Variants in RPH3A observed in about 807,000 individuals in gnomAD.
The protein encoded by RPH3A is rabphilin 3A.
In RPH3A, 48 loss-of-function variants were observed where a neutral mutation model predicts 102.2. The ratio of observed to expected loss-of-function variants is 0.47; its 90% CI spans 0.37 to 0.60. The LOEUF (loss-of-function observed/expected upper bound fraction) is 0.60, where lower values mean the gene tolerates loss of function less well. RPH3A is among the 20% of genes least tolerant of loss of function. The probability of loss-of-function intolerance (pLI) is 0.00; values close to 1 mark genes in which losing one functional copy is unlikely to be tolerated. For synonymous variants in RPH3A, 310 were observed against 324.3 expected, an observed-to-expected ratio of 0.96 and a Z score of 0.47; for missense variants, 781 against 910.1, an observed-to-expected ratio of 0.86 and a Z score of 1.83.
intron 1 of RPH3A, among the ~76,000 whole-genome samples, chr12:112,710,320 T>C (rs1351756197): frequency 6.6e-6 from 1 of 152,136 alleles, no homozygotes; most frequent in Non-Finnish European, 1.5e-5. Context: ...AAGTCCCACA[T>C]CCCAGAACCC....
intron 1 of RPH3A, among the ~76,000 whole-genome samples, chr12:112,768,319 C>A (rs2040905383): frequency 6.6e-6 from 1 of 152,120 alleles, no homozygotes; most frequent in Admixed American, 6.5e-5. Context: ...TCCATGGCTT[C>A]CATCTTGGAG....
chr12:112,660,987 G>T (rs2040044792), intron 1 of RPH3A, among the ~76,000 whole-genome samples: 1 of 152,166 alleles, frequency 6.6e-6, no homozygotes, highest in African/African-American at 2.4e-5. Context: ...AACAGGGAAA[G>T]GAGTCTGCCT....
At chr12:112,723,736 G>A (rs375283439) in intron 1 of RPH3A, among the ~76,000 whole-genome samples, 20 of 152,304 alleles carry the variant, frequency 1.3e-4, no homozygotes, top group East Asian at 7.7e-4. Flanking sequence ...GTCACATGGC[G>A]TTTTAGGTGG....
chr12:112,584,215 G>A (rs1051450559), intron 1 of RPH3A, among the ~76,000 whole-genome samples: 1 of 150,888 alleles, frequency 6.6e-6, no homozygotes, highest in African/African-American at 2.5e-5. Flanking sequence ...GTATTTTGGG[G>A]TCTCTTTGGG....
chr12:112,610,025 C>T (rs1172674436), intron 1 of RPH3A, among the ~76,000 whole-genome samples: 1 of 152,158 alleles, frequency 6.6e-6, no homozygotes, highest in African/African-American at 2.4e-5. Context: ...ACGGAGTGAT[C>T]TGACCGTGCC....
intron 11 of RPH3A, among the ~76,000 whole-genome samples, chr12:112,875,464 A>G (rs779630835): frequency 6.6e-6 from 1 of 152,046 alleles, no homozygotes; most frequent in Non-Finnish European, 1.5e-5. Context: ...CAGAGGAGCA[A>G]GTCAAGGCTC....
chr12:112,886,630 G>C (rs1012880655), intron 16 of RPH3A, among the ~76,000 whole-genome samples: 5 of 152,146 alleles, frequency 3.3e-5, no homozygotes, highest in South Asian at 4.1e-4. Flanking sequence ...CTTGTCCTAA[G>C]GGACATTTCT....
At chr12:112,725,412 T>A (rs546689312) in intron 1 of RPH3A, among the ~76,000 whole-genome samples, 93 of 152,256 alleles carry the variant, frequency 6.1e-4, no homozygotes, top group African/African-American at 2.1e-3. Flanking sequence ...AAGGAGCGTT[T>A]GTGATGCCAA....
At chr12:112,597,932 C>T (rs571780481) in intron 1 of RPH3A, among the ~76,000 whole-genome samples, 2 of 152,278 alleles carry the variant, frequency 1.3e-5, no homozygotes, top group African/African-American at 4.8e-5. Flanking sequence ...TAGAATGGAG[C>T]GACCCAACAT....
At chr12:112,636,261 A>C (rs1019582534) in intron 1 of RPH3A, among the ~76,000 whole-genome samples, 13 of 152,150 alleles carry the variant, frequency 8.5e-5, no homozygotes, top group African/African-American at 3.1e-4. Context: ...CTTTCCTTTA[A>C]AAACAGGACC....
At position 112,667,702 on chromosome 12, in the gene RPH3A, G is replaced by C. The variant is rs1041476775; in HGVS notation, c.-140+92383G>C. ...AGAGAGAGAGAGAGAGAGAGAGAGA[G>C]AGAGAGAGAGAGAGAGAGAAATTAC... is the stretch of plus-strand genomic sequence containing the variant. On this transcript the variant is annotated intron_variant, in intron 1 of 21. Coordinates refer to the RPH3A transcript ENST00000543106. 1.9e-3 allele frequency among the ~76,000 whole-genome samples: 267 copies of C among 142,662 alleles called. 2 individuals carry two copies. The highest frequency in any genetic ancestry group is 6.1e-3 in the African/African-American group (234 of 38,164). 93.6% of individuals were successfully genotyped at this position (142,662 alleles called of 152,430 possible). A position where few individuals can be genotyped will look rare whatever the true frequency, so the allele number is the denominator to read the frequency against.
intron 1 of RPH3A, among the ~76,000 whole-genome samples, chr12:112,679,069 G>A (rs143661949): frequency 6.6e-6 from 1 of 151,968 alleles, no homozygotes; most frequent in East Asian, 1.9e-4. Flanking sequence ...GAACACACTC[G>A]CCCTGTGTGT....
chr12:112,682,359 T>C (rs868486918), intron 1 of RPH3A, among the ~76,000 whole-genome samples: 17 of 143,628 alleles, frequency 1.2e-4, no homozygotes, highest in Admixed American at 2.1e-4. Context: ...TTCTTTCTTT[T>C]TTTTTTTTTT....
chr12:112,875,364 G>A (rs934131914), intron 11 of RPH3A, among the ~76,000 whole-genome samples, 194 bp downstream of exon 11: 2 of 152,076 alleles, frequency 1.3e-5, no homozygotes, highest in African/African-American at 4.8e-5. Flanking sequence ...GGGAGGAGGA[G>A]GCAGGGAGCA....
chr12:112,857,550 C>T (rs1458260915), intron 5 of RPH3A, among the ~76,000 whole-genome samples: 1 of 152,162 alleles, frequency 6.6e-6, no homozygotes, highest in Non-Finnish European at 1.5e-5. Flanking sequence ...CCAAAGAATG[C>T]AGCTGACTTC....
intron 2 of RPH3A, among the ~76,000 whole-genome samples, chr12:112,822,426 T>C (rs1593044019): frequency 6.6e-6 from 1 of 152,288 alleles, no homozygotes; most frequent in African/African-American, 2.4e-5. Flanking sequence ...TAAATAGGCT[T>C]TGCGTTGTTT....
At position 112,881,959 on chromosome 12, in the gene RPH3A, A is replaced by G. The variant is rs1258276246; in HGVS notation, c.1326+113A>G. The G allele has an allele frequency of 2.1e-5, 15 of 703,594 alleles. No homozygotes were observed. In the South Asian group the frequency reaches 2.5e-4, roughly 12 times the overall value. 43.6% of individuals were successfully genotyped at this position (703,594 alleles called of 1,614,324 possible). A position where few individuals can be genotyped will look rare whatever the true frequency, so the allele number is the denominator to read the frequency against. On this transcript the variant is annotated intron_variant, in intron 15 of 21. Transcript: ENST00000389385. ...TTATCTGCCCCAAATCCCCAACCCCACCTCATCCTGTGAGTAGCAAAGCCA... is the reference window on the plus strand; with the variant it reads ...TTATCTGCCCCAAATCCCCAACCCCGCCTCATCCTGTGAGTAGCAAAGCCA...
intron 1 of RPH3A, among the ~76,000 whole-genome samples, chr12:112,660,968 C>T (rs1216313134): frequency 6.6e-6 from 1 of 152,180 alleles, no homozygotes; most frequent in Non-Finnish European, 1.5e-5. Context: ...GGCTTGGTAC[C>T]ATCTTTAGAA....
At chr12:112,685,626 G>A (rs1276103915) in intron 1 of RPH3A, among the ~76,000 whole-genome samples, 1 of 152,136 alleles carries the variant, frequency 6.6e-6, no homozygotes, top group Admixed American at 6.5e-5. Flanking sequence ...TGTTTCCCAG[G>A]ACACATCTAG....
Sources: allele counts gnomAD v4.1 joint callset (sites outside exome capture counted in the v4.1 genomes callset), GRCh38; gene constraint gnomAD v4.1.1; transcripts MANE v1.5; gene names NCBI Gene and HGNC (gene_info 2026-07-23, HGNC 2026-07-21).